The following CCNE2 variants were observed in gnomAD, a reference collection of about 807,000 sequenced individuals.
CCNE2 encodes cyclin E2.
In CCNE2, 18 loss-of-function variants were observed where a neutral mutation model predicts 56.8. The observed-to-expected ratio is 0.32, with a 90% confidence interval of 0.22 to 0.47. CCNE2 has a LOEUF of 0.47. CCNE2 is among the 20% of genes least tolerant of loss of function. The pLI is 1.00. For synonymous variants in CCNE2, 139 were observed against 149.2 expected, an observed-to-expected ratio of 0.93 and a Z score of 0.50; for missense variants, 371 against 467.1, an observed-to-expected ratio of 0.79 and a Z score of 1.90.
chr8:94,892,828 G>C lies in CCNE2; in HGVS notation c.307C>G (p.Pro103Ala). The C allele has an allele frequency of 1.4e-6, 2 of 1,413,060 alleles. No homozygotes were observed. The highest frequency in any genetic ancestry group is 1.9e-6 in the Non-Finnish European group (2 of 1,047,648). The allele number at this position is 1,413,060 out of a possible 1,614,324, so 87.5% of individuals were successfully genotyped here. ...KNLFINPSPL[P>A]DLSWGCSKEV... ...TGAAATTTTTCTTACCTTAAATCAG[G>C]CAAAGGTGAAGGATTAATAAAAAGA... is the stretch of plus-strand genomic sequence containing the variant. Residue 103 changes from proline to alanine, a missense_variant, in exon 5 of 12, where the codon CCT (proline) becomes GCT (alanine). Pro to Ala is a conservative substitution (Grantham distance 27). Coordinates refer to ENST00000308108, the MANE Select transcript of CCNE2 (RefSeq NM_057749.3).
Position 94,891,951 on chromosome 8 carries a change from TG to T in CCNE2, c.317+866del, listed in dbSNP as rs1817262233. 4 of 1,130,474 alleles carry T rather than the reference TG, an allele frequency of 3.5e-6. No homozygotes were observed. In the East Asian group the frequency reaches 9.9e-5, roughly 28 times the overall value. The allele number at this position is 1,130,474 out of a possible 1,614,324, so 70.0% of individuals were successfully genotyped here. Reference sequence around the variant, plus strand: ...TGTGCCAACGGACCTACAGAGCTCATGGTCGGATTAACTCACACGTGATCTC... The same window carrying T: ...TGTGCCAACGGACCTACAGAGCTCATGTCGGATTAACTCACACGTGATCTC... On this transcript the variant is annotated intron_variant, in intron 5 of 11. Transcript: ENST00000308108.
At chr8:94,889,346 ATACAT>A (rs529382933) in intron 6 of CCNE2, among the ~76,000 whole-genome samples, 28 of 152,348 alleles carry the variant, frequency 1.8e-4, no homozygotes, top group African/African-American at 6.5e-4. Context: ...ATGCTGTTGC[ATACAT>A]AATCATATTT....
At chr8:94,891,718 C>T (rs376945646) in intron 5 of CCNE2, 43 of 616,404 alleles carry the variant, frequency 7.0e-5, no homozygotes, top group East Asian at 4.7e-4. Flanking sequence ...TTTACAGAAA[C>T]AGCATGTGCC....
intron 1 of CCNE2, chr8:94,894,479 A>G (rs1383647455): frequency 1.9e-6 from 1 of 540,426 alleles, no homozygotes; most frequent in African/African-American, 1.9e-5. Flanking sequence ...CCAAAAATTT[A>G]CCAAGCACTC....
At chr8:94,896,035 GC>G (rs200893368), upstream of CCNE2, 1,778 of 153,094 alleles carry the variant, frequency 0.012, 16 homozygotes, top group Non-Finnish European at 0.018. Flanking sequence ...GTGGCCTCCA[GC>G]TGCCACCCCG....
At chr8:94,889,259 T>G (rs1044637644) in intron 6 of CCNE2, among the ~76,000 whole-genome samples, 1 of 152,366 alleles carries the variant, frequency 6.6e-6, no homozygotes, top group African/African-American at 2.4e-5. Context: ...TTTTCAAATG[T>G]TGAATCAAGT....
intron 11 of CCNE2, 127 bp downstream of exon 11, chr8:94,882,005 A>G: frequency 1.0e-6 from 1 of 993,154 alleles, no homozygotes; most frequent in Non-Finnish European, 1.5e-6. Context: ...TACATTTTGA[A>G]ATCAGTGTGC....
chr8:94,882,164 T>C lies in CCNE2; in HGVS notation c.1069A>G (p.Ile357Val). ...GCCAAATAGTTTGTATGTGTCTGGATATTATGTCTGTCTTCCATAGGAATC... is the reference window on the plus strand; with the variant it reads ...GCCAAATAGTTTGTATGTGTCTGGACATTATGTCTGTCTTCCATAGGAATC... ...KKIPMEDRHN[I>V]QTHTNYLAML... The change falls in exon 11 of 12, where the codon ATC becomes GTC. Residue 357 changes from isoleucine to valine, a missense_variant. Physicochemically the swap from Ile to Val is conservative, Grantham distance 29 (BLOSUM62 3). Coordinates refer to ENST00000308108, the MANE Select transcript of CCNE2 (RefSeq NM_057749.3). 6.2e-7 allele frequency: 1 copy of C among 1,613,098 alleles called. No homozygotes were observed. Among genetic ancestry groups the C allele is most frequent in the Non-Finnish European group, 8.5e-7 (1 of 1,179,646 alleles).
chr8:94,885,358 G>A, intron 8 of CCNE2, 105 bp downstream of exon 8: 1 of 1,031,184 alleles, frequency 9.7e-7, no homozygotes, highest in African/African-American at 1.6e-5. Context: ...TAATACCTCA[G>A]TTTTGACTTT....
In CCNE2 at chr8:94,890,423, G is replaced by C; in HGVS notation, c.445C>G (p.Leu149Val). The C allele has an allele frequency of 1.3e-6, 2 of 1,576,630 alleles. No homozygotes were observed. The highest frequency in any genetic ancestry group is 1.7e-6 in the Non-Finnish European group (2 of 1,163,416). Residue 149 changes from leucine (L) to valine (V), a missense_variant, in exon 6 of 12, where the codon CTT becomes GTT. Coordinates refer to ENST00000308108, the MANE Select transcript of CCNE2 (RefSeq NM_057749.3). The part of the protein sequence containing the change: ...PQMRSILLDW[L>V]LEVCEVYTLH... ...GTATTGCTGTAACATACCTCTAAAA[G>C]CCAGTCTAGAAGTATGGACCTCATC...
At chr8:94,883,506 ACTC>A (rs1447013028) in intron 9 of CCNE2, among the ~76,000 whole-genome samples, 2 of 152,172 alleles carry the variant, frequency 1.3e-5, no homozygotes, top group Admixed American at 1.3e-4. Flanking sequence ...ACAGTTCAGA[ACTC>A]CTAAGGTGAA....
chr8:94,890,500 C>G lies in CCNE2; in HGVS notation c.368G>C (p.Arg123Thr), dbSNP rs776621866. The G allele has an allele frequency of 6.2e-7, 1 of 1,602,914 alleles. No individual in the cohort carries two copies. The highest frequency in any genetic ancestry group is 1.1e-5 in the South Asian group (1 of 89,780). ...TTCAAAATGTTTGTCATGAACATATCTGCTCTCCTTTTTTAACATGTTTAG... is the reference window on the plus strand; with the variant it reads ...TTCAAAATGTTTGTCATGAACATATGTGCTCTCCTTTTTTAACATGTTTAG... ...VWLNMLKKES[R>T]YVHDKHFEVL... Residue 123 changes from arginine to threonine, a missense_variant, in exon 6 of 12, where the codon AGA (arginine) becomes ACA (threonine). Coordinates refer to ENST00000308108, the MANE Select transcript of CCNE2 (RefSeq NM_057749.3).
Position 94,882,299 on chromosome 8 carries a change from TAGAAA to T in CCNE2, c.944-15_944-11del, listed in dbSNP as rs1437814156. On this transcript the variant is annotated splice_polypyrimidine_tract_variant and intron_variant, in intron 10 of 11. Coordinates refer to ENST00000308108, the MANE Select transcript of CCNE2 (RefSeq NM_057749.3). ...CTGTCCCACTCCAAACCTAGATAGATAGAAAAAAGTTAGAAAAGCATGAAGGTTGT... is the reference window on the plus strand; with the variant it reads ...CTGTCCCACTCCAAACCTAGATAGATAAAGTTAGAAAAGCATGAAGGTTGT... The T allele has an allele frequency of 1.9e-6, 3 of 1,575,442 alleles. No homozygotes were observed. The highest frequency in any genetic ancestry group is 4.5e-5 in the East Asian group (2 of 44,210).
At chr8:94,886,822 G>A (rs1817056587) in intron 7 of CCNE2, among the ~76,000 whole-genome samples, 1 of 152,200 alleles carries the variant, frequency 6.6e-6, no homozygotes, top group African/African-American at 2.4e-5. Flanking sequence ...GTCTGTTTTA[G>A]CACTCCTGAG....
chr8:94,881,895 C>A, intron 11 of CCNE2, 150 bp from the exon 12 acceptor site: 1 of 970,274 alleles, frequency 1.0e-6, no homozygotes, highest in African/African-American at 1.7e-5. Flanking sequence ...GTTTCTGTAA[C>A]GTTATATATT....
At chr8:94,894,506 G>A in intron 1 of CCNE2, 1 of 452,382 alleles carries the variant, frequency 2.2e-6, no homozygotes. Context: ...CCTTGAACGC[G>A]CAGGGAGGCA....
chr8:94,885,206 TAAAC>T lies in CCNE2; in HGVS notation c.697-9_697-6del, dbSNP rs756442089. On this transcript the variant is annotated splice_region_variant and splice_polypyrimidine_tract_variant and intron_variant, in intron 8 of 11. Coordinates refer to ENST00000308108, the MANE Select transcript of CCNE2 (RefSeq NM_057749.3). ...ACAAAGTTCCCATTTTAAAGCCTATTAAACAAAATTTAAAAATGCCTGTTAATGA... is the reference window on the plus strand; with the variant it reads ...ACAAAGTTCCCATTTTAAAGCCTATTAAAATTTAAAAATGCCTGTTAATGA... 3 of 1,612,836 alleles carry T rather than the reference TAAAC, an allele frequency of 1.9e-6. No homozygotes were observed. Among genetic ancestry groups the T allele is most frequent in the Admixed American group, 1.7e-5 (1 of 59,938 alleles).
upstream of CCNE2, chr8:94,895,382 T>G: frequency 4.0e-5 from 15 of 378,232 alleles, no homozygotes; most frequent in Non-Finnish European, 5.5e-5. Context: ...GGGTCCACTC[T>G]ACCGGGCCTT....
At chr8:94,883,982 G>A (rs972414056) in intron 9 of CCNE2, 6 of 446,678 alleles carry the variant, frequency 1.3e-5, no homozygotes, top group South Asian at 6.3e-5. Context: ...ATTGTTTATC[G>A]GCTTATCAAA....
Sources: allele counts gnomAD v4.1 joint callset (sites outside exome capture counted in the v4.1 genomes callset), GRCh38; gene constraint gnomAD v4.1.1; transcripts MANE v1.5; gene names NCBI Gene and HGNC (gene_info 2026-07-23, HGNC 2026-07-21).